The following MACROD2 variants were observed in gnomAD, a reference collection of about 807,000 sequenced individuals.
The protein encoded by MACROD2 is mono-ADP ribosylhydrolase 2.
Under a neutral mutation model 70.4 loss-of-function variants are expected in MACROD2, and 36 were observed. That is an observed-to-expected ratio of 0.51 (90% CI 0.39 to 0.68). The LOEUF is 0.68. Among genes scored for constraint, MACROD2 ranks in the 30% least tolerant of loss-of-function variants. The pLI is 0.00. For missense variants in MACROD2, 496 were observed against 538.4 expected (o/e 0.92, Z 0.78); for synonymous variants, 172 against 178.8 (o/e 0.96, Z 0.30).
In MACROD2 at chr20:15,985,604, G is replaced by A. The variant is rs1019236119; in HGVS notation, c.986-1123G>A. On this transcript the variant is annotated intron_variant, in intron 13 of 17. Transcript: ENST00000684519. ...CTGCTATGCGCTGCTCTGGCAAGGC[G>A]TTCCACTGGGGCAATTTCCTACCCG... is the stretch of plus-strand genomic sequence containing the variant. 5.3e-5 allele frequency among the ~76,000 whole-genome samples: 8 copies of A among 152,314 alleles called. No individual in the cohort carries two copies. In the East Asian group the frequency reaches 7.7e-4, roughly 15 times the overall value.
At chr20:14,762,921 T>C (rs2072036111) in intron 5 of MACROD2, among the ~76,000 whole-genome samples, 2 of 151,754 alleles carry the variant, frequency 1.3e-5, no homozygotes, top group Non-Finnish European at 2.9e-5. Flanking sequence ...CAGAGCAAGA[T>C]TCCGTCTCAA....
chr20:15,787,632 G>A (rs974217107), intron 8 of MACROD2, among the ~76,000 whole-genome samples: 1 of 152,140 alleles, frequency 6.6e-6, no homozygotes, highest in Admixed American at 6.5e-5. Flanking sequence ...ACAAAGGAAT[G>A]ATTTTGATAT....
At chr20:15,021,227 C>T (rs111212251) in intron 5 of MACROD2, among the ~76,000 whole-genome samples, 4,227 of 9,468 alleles carry the variant, frequency 0.45, 706 homozygotes, top group African/African-American at 0.55. Context: ...TACAGGTGTG[C>T]GTATACACAC....
intron 4 of MACROD2, among the ~76,000 whole-genome samples, chr20:14,556,583 T>G (rs992671308): frequency 2.0e-5 from 3 of 152,150 alleles, no homozygotes; most frequent in Middle Eastern, 6.8e-3. Context: ...CACATCTTAC[T>G]CCCTCCATGA....
chr20:14,858,421 C>A (rs1181816390), intron 5 of MACROD2, among the ~76,000 whole-genome samples: 6 of 152,008 alleles, frequency 3.9e-5, no homozygotes, highest in Non-Finnish European at 8.8e-5. Context: ...ATGCAAAAAT[C>A]TCAAAACTTA....
At chr20:15,749,046 T>C (rs2051228742) in intron 8 of MACROD2, among the ~76,000 whole-genome samples, 1 of 152,142 alleles carries the variant, frequency 6.6e-6, no homozygotes, top group Non-Finnish European at 1.5e-5. Context: ...AATACATAGC[T>C]CTTACCATTA....
intron 6 of MACROD2, among the ~76,000 whole-genome samples, chr20:15,295,954 T>C (rs1178751016): frequency 6.6e-6 from 1 of 152,190 alleles, no homozygotes; most frequent in African/African-American, 2.4e-5. Flanking sequence ...CAATACTGCA[T>C]GTAGCCCTCT....
At chr20:15,042,948 A>G (rs182728560) in intron 5 of MACROD2, among the ~76,000 whole-genome samples, 24 of 152,290 alleles carry the variant, frequency 1.6e-4, no homozygotes, top group African/African-American at 5.5e-4. Context: ...TTTAAGCTCA[A>G]TGGTTTAGGT....
At chr20:15,005,468 A>G (rs893785915) in intron 5 of MACROD2, among the ~76,000 whole-genome samples, 1 of 152,194 alleles carries the variant, frequency 6.6e-6, no homozygotes, top group South Asian at 2.1e-4. Flanking sequence ...GTTCTACTTA[A>G]TCAAATATTC....
chr20:15,657,798 G>C (rs1256423469), intron 8 of MACROD2, among the ~76,000 whole-genome samples: 1 of 152,146 alleles, frequency 6.6e-6, no homozygotes, highest in Non-Finnish European at 1.5e-5. Context: ...TTTGAGACCA[G>C]CCTGGCCAAC....
At chr20:14,353,996 G>T (rs1263275810) in intron 3 of MACROD2, among the ~76,000 whole-genome samples, 2 of 152,124 alleles carry the variant, frequency 1.3e-5, no homozygotes, top group Non-Finnish European at 2.9e-5. Flanking sequence ...TGCAGTGTCT[G>T]CTCTGTCTCT....
At chr20:14,972,949 A>G (rs1464836013) in intron 5 of MACROD2, among the ~76,000 whole-genome samples, 1 of 152,234 alleles carries the variant, frequency 6.6e-6, no homozygotes, top group Non-Finnish European at 1.5e-5. Context: ...ACAAGTTGAT[A>G]TAGAAGCTAC....
intron 5 of MACROD2, among the ~76,000 whole-genome samples, chr20:15,126,376 A>G (rs2076067240): frequency 6.6e-6 from 1 of 151,970 alleles, no homozygotes; most frequent in Non-Finnish European, 1.5e-5. Context: ...GTTTGATTAT[A>G]GCCACCCTAG....
intron 4 of MACROD2, among the ~76,000 whole-genome samples, chr20:14,681,742 T>G (rs1179832573): frequency 6.6e-6 from 1 of 152,194 alleles, no homozygotes; most frequent in East Asian, 1.9e-4. Context: ...TGTGTGTACA[T>G]TATAAGTCAT....
chr20:15,415,143 A>G (rs741394), intron 6 of MACROD2, among the ~76,000 whole-genome samples: 8,442 of 152,266 alleles, frequency 0.055, 739 homozygotes, highest in African/African-American at 0.19. Context: ...CTAGAAAAAC[A>G]CTGAAACAAA....
chr20:14,784,464 C>T (rs190947448), intron 5 of MACROD2, among the ~76,000 whole-genome samples: 3 of 152,110 alleles, frequency 2.0e-5, no homozygotes, highest in East Asian at 1.9e-4. Context: ...TAGCACTTCT[C>T]ATAATCTGAC....
intron 12 of MACROD2, among the ~76,000 whole-genome samples, chr20:15,946,576 AGTTAT>A (rs2065826159): frequency 6.6e-6 from 1 of 152,198 alleles, no homozygotes; most frequent in Non-Finnish European, 1.5e-5. Flanking sequence ...TATCAATATT[AGTTAT>A]ATACTTATCT....
At chr20:14,287,003 A>G (rs2082350325) in intron 3 of MACROD2, among the ~76,000 whole-genome samples, 1 of 152,098 alleles carries the variant, frequency 6.6e-6, no homozygotes, top group South Asian at 2.1e-4. Context: ...CTTAATCTCT[A>G]GCTAATTATT....
intron 3 of MACROD2, among the ~76,000 whole-genome samples, chr20:14,238,705 A>G (rs1425758341): frequency 2.0e-5 from 3 of 152,210 alleles, no homozygotes; most frequent in Non-Finnish European, 4.4e-5. Context: ...CGACTTCAGC[A>G]ATCAGGATAC....
Sources: gnomAD v4.1 joint callset for allele counts (sites outside exome capture counted in the v4.1 genomes callset) on GRCh38, gnomAD v4.1.1 for gene constraint, MANE v1.5 for transcripts, NCBI Gene and HGNC (gene_info 2026-07-23, HGNC 2026-07-21) for gene names.